Variants in KMO observed in about 807,000 individuals in gnomAD.
KMO encodes the protein kynurenine 3-monooxygenase.
In KMO, 24 loss-of-function variants were observed where a neutral mutation model predicts 57.8. The observed-to-expected ratio is 0.42, with a 90% CI of 0.30 to 0.58. The LOEUF is 0.58. Ranked by LOEUF, KMO falls within the 20% of genes least tolerant of loss-of-function variation. The pLI is 0.22. For missense variants in KMO, 483 were observed against 588.2 expected (o/e 0.82, Z 1.85); for synonymous variants, 210 against 193.6 (o/e 1.08, Z -0.70).
intron 10 of KMO, 127 bp downstream of exon 10, chr1:241,568,774 A>T (rs889948034): frequency 7.9e-6 from 7 of 885,256 alleles, no homozygotes; most frequent in Non-Finnish European, 1.2e-5. Flanking sequence ...CAATTCAGCA[A>T]TCATACCAGC....
At chr1:241,582,754 G>C (rs1662800083) in intron 10 of KMO, among the ~76,000 whole-genome samples, 1 of 152,158 alleles carries the variant, frequency 6.6e-6, no homozygotes, top group Non-Finnish European at 1.5e-5. Context: ...TGTCACTCCA[G>C]GATTGGTCAC....
intron 1 of KMO, among the ~76,000 whole-genome samples, chr1:241,546,138 G>T (rs576580991): frequency 6.6e-6 from 1 of 152,048 alleles, no homozygotes; most frequent in Non-Finnish European, 1.5e-5. Flanking sequence ...TTGGATCATT[G>T]GTTTCCTTCC....
At chr1:241,557,542 C>G (rs1035612440) in intron 5 of KMO, among the ~76,000 whole-genome samples, 5 of 152,130 alleles carry the variant, frequency 3.3e-5, no homozygotes, top group Admixed American at 3.3e-4. Flanking sequence ...TCACCAGATA[C>G]AAGAAAGAGG....
chr1:241,553,621 T>C (rs574707503), intron 4 of KMO, among the ~76,000 whole-genome samples: 1 of 152,180 alleles, frequency 6.6e-6, no homozygotes, highest in South Asian at 2.1e-4. Context: ...CCCGGGAGGT[T>C]GAGGCTGCAG....
chr1:241,563,232 A>C (rs1300773202), intron 7 of KMO, among the ~76,000 whole-genome samples: 1 of 152,180 alleles, frequency 6.6e-6, no homozygotes, highest in African/African-American at 2.4e-5. Context: ...TAATGTTTTC[A>C]TGTTGTCATA....
intron 11 of KMO, among the ~76,000 whole-genome samples, chr1:241,588,230 G>C (rs1044762313): frequency 6.6e-6 from 1 of 151,154 alleles, no homozygotes; most frequent in Admixed American, 6.6e-5. Flanking sequence ...TAAGTTCATA[G>C]TATATGTTTG....
chr1:241,549,276 A>AG (rs1299128822), intron 2 of KMO, among the ~76,000 whole-genome samples: 47 of 122,354 alleles, frequency 3.8e-4, no homozygotes, highest in Middle Eastern at 9.2e-3. Flanking sequence ...AAAGGAAGGA[A>AG]GAAAGAAAGA....
intron 3 of KMO, chr1:241,550,079 CTT>C (rs376692659): frequency 5.5e-5 from 12 of 218,308 alleles, no homozygotes; most frequent in South Asian, 2.7e-4. Flanking sequence ...AGCCAGATTC[CTT>C]TTTTTTTTCA....
intron 4 of KMO, 95 bp downstream of exon 4, chr1:241,551,139 A>T: frequency 1.4e-6 from 1 of 717,838 alleles, no homozygotes; most frequent in South Asian, 1.7e-5. Flanking sequence ...CTCCAGCCCT[A>T]TCTCTGACAT....
intron 4 of KMO, among the ~76,000 whole-genome samples, chr1:241,554,844 T>C (rs1407917430): frequency 6.7e-6 from 1 of 149,642 alleles, no homozygotes; most frequent in African/African-American, 2.4e-5. Context: ...TAGCTGAGTG[T>C]GGTGGCAGGC....
intron 14 of KMO, among the ~76,000 whole-genome samples, chr1:241,590,874 C>G (rs1224933884): frequency 6.6e-6 from 1 of 152,108 alleles, no homozygotes; most frequent in African/African-American, 2.4e-5. Flanking sequence ...TAAACTGCCC[C>G]CGAGGAGAAC....
chr1:241,568,646 C>CG lies in KMO; in HGVS notation c.957+1dup. 1 of 1,612,950 alleles carries CG rather than the reference C, an allele frequency of 6.2e-7. No homozygotes were observed. Among genetic ancestry groups the CG allele is most frequent in the Non-Finnish European group, 8.5e-7 (1 of 1,179,388 alleles). On this transcript the variant is annotated frameshift_variant and splice_region_variant, in exon 10 of 15. Coordinates refer to ENST00000366559, the MANE Select transcript of KMO (RefSeq NM_003679.5). LOFTEE classifies it high-confidence loss of function. ...CCGTTTTTTGGGCAAGGAATGAATGCGGTAAGTTCTTTTTCCCTAGGTAAG... is the reference window on the plus strand; with the variant it reads ...CCGTTTTTTGGGCAAGGAATGAATGCGGGTAAGTTCTTTTTCCCTAGGTAAG...
chr1:241,564,825 G>A (rs1009951931), intron 7 of KMO, among the ~76,000 whole-genome samples, 162 bp from the exon 8 acceptor site: 2 of 152,054 alleles, frequency 1.3e-5, no homozygotes, highest in African/African-American at 4.8e-5. Context: ...AGAACACAAA[G>A]TGTTTTCTAA....
At position 241,532,554 on chromosome 1, in the gene KMO, C is replaced by A. The variant is rs1660615134; in HGVS notation, c.54+56C>A. The A allele has an allele frequency of 3.1e-6, 4 of 1,273,782 alleles. No homozygotes were observed. The East Asian group carries it at 1.0e-4, about 32-fold the overall frequency. The allele number at this position is 1,273,782 out of a possible 1,614,324, so 78.9% of individuals were successfully genotyped here. ...GGTGGTATTATATTAACTATTATTA[C>A]TCGTAATGATTATTATTCGTCACTT... On this transcript the variant is annotated intron_variant, in intron 1 of 14. Transcript: ENST00000366559.
At chr1:241,581,803 C>T (rs771333675) in intron 10 of KMO, among the ~76,000 whole-genome samples, 22 of 152,040 alleles carry the variant, frequency 1.4e-4, no homozygotes, top group Non-Finnish European at 2.9e-4. Flanking sequence ...TATGTACATA[C>T]TGCAGTTACA....
At chr1:241,554,973 C>A (rs997081442) in intron 4 of KMO, among the ~76,000 whole-genome samples, 1 of 151,282 alleles carries the variant, frequency 6.6e-6, no homozygotes, top group African/African-American at 2.4e-5. Flanking sequence ...CAGAGCAAGA[C>A]TCTGTTTCAA....
At chr1:241,540,271 A>G (rs1381235031) in intron 1 of KMO, among the ~76,000 whole-genome samples, 1 of 152,200 alleles carries the variant, frequency 6.6e-6, no homozygotes, top group Non-Finnish European at 1.5e-5. Context: ...CCATGCAAAT[A>G]TTATTCCTCT....
intron 10 of KMO, among the ~76,000 whole-genome samples, chr1:241,569,921 C>G (rs780776483): frequency 1.3e-5 from 2 of 151,994 alleles, no homozygotes; most frequent in African/African-American, 2.4e-5. Flanking sequence ...AGCAATTTTT[C>G]ATATACCCAC....
chr1:241,559,124 A>G (rs1037676076), intron 5 of KMO, among the ~76,000 whole-genome samples: 10 of 152,146 alleles, frequency 6.6e-5, no homozygotes, highest in African/African-American at 2.4e-4. Flanking sequence ...AGATATTTTA[A>G]CCTAATATAT....
Sources: gnomAD v4.1 joint callset for allele counts (sites outside exome capture counted in the v4.1 genomes callset) on GRCh38, gnomAD v4.1.1 for gene constraint, MANE v1.5 for transcripts, NCBI Gene and HGNC (gene_info 2026-07-23, HGNC 2026-07-21) for gene names.